The following PEBP4 variants were observed in gnomAD, a reference collection of about 807,000 sequenced individuals.
PEBP4 encodes the protein phosphatidylethanolamine binding protein 4, also known as phosphatidylethanolamine-binding protein 4.
Under a neutral mutation model 23.9 loss-of-function variants are expected in PEBP4, and 22 were observed. The observed-to-expected ratio is 0.92, with a 90% CI of 0.66 to 1.31. PEBP4 has a LOEUF of 1.31. PEBP4 is among the 40% of genes most tolerant of loss of function. The pLI is 0.00. For synonymous variants in PEBP4, 112 were observed against 99.3 expected (o/e 1.13, Z -0.76); for missense variants, 324 against 281.7 (o/e 1.15, Z -1.07).
chr8:22,843,502 T>C (rs1047256164), intron 3 of PEBP4, among the ~76,000 whole-genome samples: 1 of 152,226 alleles, frequency 6.6e-6, no homozygotes, highest in Non-Finnish European at 1.5e-5. Flanking sequence ...CATTTCCTAA[T>C]GTCAGGGAAT....
intron 3 of PEBP4, among the ~76,000 whole-genome samples, chr8:22,904,484 C>A (rs1482663809): frequency 6.6e-6 from 1 of 152,184 alleles, no homozygotes; most frequent in African/African-American, 2.4e-5. Flanking sequence ...GTAGCTGAAG[C>A]CTTTTCCTCT....
chr8:22,832,302 T>C (rs1256329720), intron 3 of PEBP4, among the ~76,000 whole-genome samples: 2 of 152,144 alleles, frequency 1.3e-5, no homozygotes. Flanking sequence ...TGTGATGGGC[T>C]AGGTACCTTC....
At chr8:22,733,927 A>T (rs978732313) in intron 4 of PEBP4, among the ~76,000 whole-genome samples, 1 of 147,146 alleles carries the variant, frequency 6.8e-6, no homozygotes, top group African/African-American at 2.6e-5. Flanking sequence ...GAGATAAGGG[A>T]GAGTAGAGGG....
chr8:22,749,163 A>C (rs1249249116), intron 4 of PEBP4, among the ~76,000 whole-genome samples: 1 of 152,112 alleles, frequency 6.6e-6, no homozygotes, highest in Non-Finnish European at 1.5e-5. Context: ...GGATGGCTGG[A>C]AAGTTCTGAA....
At chr8:22,746,522 G>T (rs2128751145) in intron 4 of PEBP4, among the ~76,000 whole-genome samples, 2 of 151,934 alleles carry the variant, frequency 1.3e-5, no homozygotes, top group Admixed American at 1.3e-4. Flanking sequence ...TCCCTTCACT[G>T]CCTTCCCCTT....
At chr8:22,816,874 T>C (rs560782425) in intron 4 of PEBP4, among the ~76,000 whole-genome samples, 1 of 152,034 alleles carries the variant, frequency 6.6e-6, no homozygotes, top group Non-Finnish European at 1.5e-5. Context: ...AATAATCAAA[T>C]GCAACTGGAA....
intron 4 of PEBP4, among the ~76,000 whole-genome samples, chr8:22,797,110 C>T (rs1054032962): frequency 1.8e-4 from 27 of 151,704 alleles, no homozygotes; most frequent in African/African-American, 6.1e-4. Context: ...GAAAATCAGC[C>T]GGGCATGGTG....
intron 6 of PEBP4, among the ~76,000 whole-genome samples, chr8:22,714,190 C>G (rs1804366789): frequency 6.6e-6 from 1 of 152,188 alleles, no homozygotes; most frequent in Admixed American, 6.5e-5. Context: ...GGGGTTCCTC[C>G]TCAGGGGGAG....
intron 3 of PEBP4, among the ~76,000 whole-genome samples, chr8:22,852,029 G>T (rs1181565367): frequency 6.6e-6 from 1 of 152,074 alleles, no homozygotes; most frequent in Non-Finnish European, 1.5e-5. Flanking sequence ...TAGCTCAGCA[G>T]CCAAGGATTA....
intron 4 of PEBP4, among the ~76,000 whole-genome samples, chr8:22,815,787 A>G (rs1424248467): frequency 6.6e-6 from 1 of 152,150 alleles, no homozygotes; most frequent in Admixed American, 6.5e-5. Context: ...GGCTAAATTC[A>G]TGTTCGTTGT....
chr8:22,807,981 C>A (rs936577968), intron 4 of PEBP4, among the ~76,000 whole-genome samples: 1 of 151,954 alleles, frequency 6.6e-6, no homozygotes, highest in Admixed American at 6.6e-5. Flanking sequence ...ATCCACTCAC[C>A]TAACCAATGT....
At chr8:22,762,846 A>C (rs1805538123) in intron 4 of PEBP4, among the ~76,000 whole-genome samples, 1 of 152,134 alleles carries the variant, frequency 6.6e-6, no homozygotes, top group Middle Eastern at 3.2e-3. Flanking sequence ...ATGTCCCCTA[A>C]CATCACAGAG....
At chr8:22,854,350 C>A (rs1052843868) in intron 3 of PEBP4, among the ~76,000 whole-genome samples, 1 of 152,180 alleles carries the variant, frequency 6.6e-6, no homozygotes, top group Non-Finnish European at 1.5e-5. Context: ...CACTACATAT[C>A]TGCTTCTGGG....
chr8:22,845,396 G>T (rs1807410000), intron 3 of PEBP4, among the ~76,000 whole-genome samples: 1 of 151,724 alleles, frequency 6.6e-6, no homozygotes, highest in Non-Finnish European at 1.5e-5. Flanking sequence ...ATTGCTGGGT[G>T]TGGTGGTGTG....
intron 6 of PEBP4, among the ~76,000 whole-genome samples, chr8:22,715,457 G>A (rs1037164854): frequency 1.3e-5 from 2 of 152,214 alleles, no homozygotes; most frequent in Non-Finnish European, 2.9e-5. Flanking sequence ...GGTAATACGG[G>A]CTTATGGGTG....
Position 22,920,324 on chromosome 8 carries a change from G to C in PEBP4, c.132-14C>G. 3.7e-6 allele frequency: 6 copies of C among 1,604,990 alleles called. No homozygotes were observed. The highest frequency in any genetic ancestry group is 5.1e-6 in the Non-Finnish European group (6 of 1,172,600). ...ACTTCAAGGCCCCTATGAAGAGAGA[G>C]GGGAGGTTGCCCTGTGTCAGGGTTT... On this transcript the variant is annotated splice_polypyrimidine_tract_variant and intron_variant, in intron 2 of 6. Transcript: ENST00000256404.
chr8:22,849,635 G>A (rs547580483), intron 3 of PEBP4, among the ~76,000 whole-genome samples: 2 of 152,330 alleles, frequency 1.3e-5, no homozygotes, highest in East Asian at 3.9e-4. Context: ...TGTGATTCAT[G>A]TCCCCAGTGC....
At chr8:22,723,321 C>T (rs1437351442) in intron 6 of PEBP4, among the ~76,000 whole-genome samples, 1 of 152,106 alleles carries the variant, frequency 6.6e-6, no homozygotes, top group Non-Finnish European at 1.5e-5. Flanking sequence ...GCCTCAGGAG[C>T]CCCAGCACGC....
At chr8:22,776,984 T>G (rs905933815) in intron 4 of PEBP4, among the ~76,000 whole-genome samples, 6 of 151,344 alleles carry the variant, frequency 4.0e-5, no homozygotes, top group Non-Finnish European at 8.8e-5. Context: ...GGTGGGGACA[T>G]GGGAAGGGCA....
Sources: allele counts gnomAD v4.1 joint callset (sites outside exome capture counted in the v4.1 genomes callset), GRCh38; gene constraint gnomAD v4.1.1; transcripts MANE v1.5; gene names NCBI Gene and HGNC (gene_info 2026-07-23, HGNC 2026-07-21).